Variants in USP15 observed in about 807,000 individuals in gnomAD.
The protein encoded by USP15 is ubiquitin specific peptidase 15, also known as ubiquitin carboxyl-terminal hydrolase 15.
Under a neutral mutation model 127.1 loss-of-function variants are expected in USP15, and 18 were observed. The observed-to-expected ratio is 0.14, with a 90% confidence interval of 0.10 to 0.21. USP15 has a LOEUF of 0.21. Among genes scored for constraint, USP15 ranks in the 10% least tolerant of loss-of-function variants. The pLI is 1.00. For synonymous variants in USP15, 364 were observed against 393.7 expected, an observed-to-expected ratio of 0.92 and a Z score of 0.89; for missense variants, 805 against 1,159.9, an observed-to-expected ratio of 0.69 and a Z score of 4.44.
At chr12:62,305,083 T>G (rs966400256) in intron 3 of USP15, among the ~76,000 whole-genome samples, 1 of 152,078 alleles carries the variant, frequency 6.6e-6, no homozygotes, top group Admixed American at 6.6e-5. Context: ...ATGCAGTAAG[T>G]AAGTTTAACA....
intron 1 of USP15, among the ~76,000 whole-genome samples, chr12:62,270,876 G>A (rs7953445): frequency 0.84 from 128,453 of 152,046 alleles, 54,424 homozygotes; most frequent in African/African-American, 0.89. Flanking sequence ...TCATTACTCC[G>A]TATAAATGAC....
chr12:62,370,039 ATC>A (rs756722833), intron 8 of USP15, among the ~76,000 whole-genome samples: 4 of 152,098 alleles, frequency 2.6e-5, no homozygotes, highest in Non-Finnish European at 5.9e-5. Context: ...CAGTAGCGCA[ATC>A]TCAGCTTACT....
chr12:62,403,055 A>T (rs948345733), intron 21 of USP15, among the ~76,000 whole-genome samples: 4 of 152,134 alleles, frequency 2.6e-5, no homozygotes, highest in African/African-American at 9.7e-5. Context: ...TTCACCATTC[A>T]CCAAGATTGG....
In USP15 at chr12:62,401,328, T is replaced by A. The variant is rs1392230308; in HGVS notation, c.2763+53T>A. On this transcript the variant is annotated intron_variant, in intron 21 of 21. Coordinates refer to ENST00000280377, the MANE Select transcript of USP15 (RefSeq NM_001252078.2). ...CTATGGGATTCACTGTCTTAAGGAG[T>A]GAATATAAATTAATAAAAGGGGCTC... 8 of 1,407,596 alleles carry A rather than the reference T, an allele frequency of 5.7e-6. No individual in the cohort carries two copies. The Admixed American group carries it at 1.5e-4, about 27-fold the overall frequency. The allele number at this position is 1,407,596 out of a possible 1,614,324, so 87.2% of individuals were successfully genotyped here. A position where few individuals can be genotyped will look rare whatever the true frequency, so the allele number is the denominator to read the frequency against.
intron 2 of USP15, among the ~76,000 whole-genome samples, chr12:62,298,406 C>G (rs577648742): frequency 6.6e-6 from 1 of 152,244 alleles, no homozygotes; most frequent in South Asian, 2.1e-4. Flanking sequence ...ATGGCTCACA[C>G]CTGTAATCCC....
At chr12:62,313,977 T>C (rs1387855960) in intron 3 of USP15, 2 of 819,864 alleles carry the variant, frequency 2.4e-6, no homozygotes, top group Non-Finnish European at 2.9e-6. Context: ...ATATCAGGCC[T>C]ATTACTATTT....
intron 7 of USP15, among the ~76,000 whole-genome samples, chr12:62,352,602 G>A (rs1390245648): frequency 6.6e-6 from 1 of 151,838 alleles, no homozygotes; most frequent in Non-Finnish European, 1.5e-5. Context: ...AAATGAAAAT[G>A]ACTCCCTGTA....
chr12:62,385,216 A>G (rs989301632), intron 11 of USP15, among the ~76,000 whole-genome samples: 5 of 151,946 alleles, frequency 3.3e-5, no homozygotes, highest in Non-Finnish European at 7.4e-5. Flanking sequence ...ATACTTAACT[A>G]TGCACCTACT....
chr12:62,340,659 G>A (rs553301188), intron 6 of USP15, among the ~76,000 whole-genome samples: 1 of 152,298 alleles, frequency 6.6e-6, no homozygotes, highest in Admixed American at 6.5e-5. Context: ...TTCAGGAGCA[G>A]GTTCTTCAAT....
At chr12:62,294,454 A>G in intron 2 of USP15, 148 bp downstream of exon 2, 4 of 789,058 alleles carry the variant, frequency 5.1e-6, no homozygotes, top group African/African-American at 1.8e-5. Flanking sequence ...TTATTCTAAT[A>G]AGTTATTAAA....
chr12:62,314,388 G>A (rs1443720414), intron 3 of USP15, among the ~76,000 whole-genome samples: 1 of 151,760 alleles, frequency 6.6e-6, no homozygotes, highest in Non-Finnish European at 1.5e-5. Flanking sequence ...TCTTCAATCA[G>A]AACTCTGTTT....
At chr12:62,396,145 C>T (rs2137643305) in intron 19 of USP15, 150 bp from the exon 20 acceptor site, 1 of 329,014 alleles carries the variant, frequency 3.0e-6, no homozygotes, top group Non-Finnish European at 5.3e-6. Flanking sequence ...TGATAATTTC[C>T]TTAGTGAGAT....
intron 9 of USP15, among the ~76,000 whole-genome samples, chr12:62,383,206 T>G (rs1202146902): frequency 6.6e-6 from 1 of 151,976 alleles, no homozygotes; most frequent in Non-Finnish European, 1.5e-5. Flanking sequence ...TAACAACTAC[T>G]GAACCATTAC....
intron 8 of USP15, among the ~76,000 whole-genome samples, chr12:62,359,385 C>G (rs2066242608): frequency 6.6e-6 from 1 of 152,122 alleles, no homozygotes; most frequent in African/African-American, 2.4e-5. Flanking sequence ...TTCCACAATT[C>G]ATTTTTCTCA....
intron 8 of USP15, among the ~76,000 whole-genome samples, chr12:62,369,643 T>C (rs1418851467): frequency 1.3e-5 from 2 of 152,196 alleles, no homozygotes; most frequent in African/African-American, 4.8e-5. Flanking sequence ...ATAATGCTGC[T>C]TCTGTTATTT....
intron 1 of USP15, among the ~76,000 whole-genome samples, chr12:62,270,585 A>G (rs1056812022): frequency 6.6e-6 from 1 of 152,072 alleles, no homozygotes; most frequent in African/African-American, 2.4e-5. Flanking sequence ...GCATGTGGTT[A>G]TCCAGTTGTC....
chr12:62,392,853 A>G (rs2067366784), intron 18 of USP15, among the ~76,000 whole-genome samples, 200 bp from the exon 19 acceptor site: 1 of 152,150 alleles, frequency 6.6e-6, no homozygotes, highest in South Asian at 2.1e-4. Flanking sequence ...TTGTATATTA[A>G]TTTGTAATGG....
At position 62,409,300 on chromosome 12, in the gene USP15, C is replaced by G. The variant is rs995876130; in HGVS notation, c.*4925C>G. The G allele has an allele frequency of 6.6e-6, 1 of 151,912 alleles. No individual in the cohort carries two copies. The highest frequency in any genetic ancestry group is 1.5e-5 in the Non-Finnish European group (1 of 67,968). The allele number at this position is 151,912 out of a possible 1,614,324, so 9.4% of individuals were successfully genotyped here. A position where few individuals can be genotyped will look rare whatever the true frequency, so the allele number is the denominator to read the frequency against. On this transcript the variant is annotated 3_prime_UTR_variant, in exon 22 of 22. Coordinates refer to ENST00000280377, the MANE Select transcript of USP15 (RefSeq NM_001252078.2). ...CCATTCAAGGAAAATCAGGAATTTACGTAATATATTGGACTACAGTCTCAA... is the reference window on the plus strand; with the variant it reads ...CCATTCAAGGAAAATCAGGAATTTAGGTAATATATTGGACTACAGTCTCAA...
chr12:62,301,166 A>G (rs143703019), intron 2 of USP15, among the ~76,000 whole-genome samples: 69 of 152,286 alleles, frequency 4.5e-4, no homozygotes, highest in Admixed American at 1.4e-3. Context: ...TAAAACCACA[A>G]TGAGAAAACT....
Sources: gnomAD v4.1 joint callset for allele counts (sites outside exome capture counted in the v4.1 genomes callset) on GRCh38, gnomAD v4.1.1 for gene constraint, MANE v1.5 for transcripts, NCBI Gene and HGNC (gene_info 2026-07-23, HGNC 2026-07-21) for gene names.